Variants in MAPK10 observed in about 807,000 individuals in gnomAD.
MAPK10 encodes the protein mitogen-activated protein kinase 10.
In MAPK10, 25 loss-of-function variants were observed where a neutral mutation model predicts 59.3. The ratio of observed to expected loss-of-function variants is 0.42; its 90% CI spans 0.31 to 0.59. The LOEUF is 0.59. Ranked by LOEUF, MAPK10 falls within the 20% of genes least tolerant of loss-of-function variation. The pLI, the probability that MAPK10 is intolerant of heterozygous loss-of-function variation, is 0.15. For synonymous variants in MAPK10, 190 were observed against 200.5 expected (o/e 0.95, Z 0.44); for missense variants, 351 against 568.9 (o/e 0.62, Z 3.90).
At chr4:86,591,917 T>G (rs897224563) in intron 1 of MAPK10, among the ~76,000 whole-genome samples, 1 of 152,124 alleles carries the variant, frequency 6.6e-6, no homozygotes, top group Non-Finnish European at 1.5e-5. Flanking sequence ...AATTATGATG[T>G]TATGTTATAA....
chr4:86,549,101 T>C (rs1759549253), intron 1 of MAPK10, among the ~76,000 whole-genome samples: 1 of 151,340 alleles, frequency 6.6e-6, no homozygotes, highest in Non-Finnish European at 1.5e-5. Flanking sequence ...ATGTAAAATA[T>C]AAAAGCTTAT....
intron 1 of MAPK10, among the ~76,000 whole-genome samples, chr4:86,415,739 G>T (rs907903657): frequency 6.6e-6 from 1 of 152,142 alleles, no homozygotes; most frequent in African/African-American, 2.4e-5. Flanking sequence ...AGGAGACCAA[G>T]AAGAGTGCTA....
intron 1 of MAPK10, among the ~76,000 whole-genome samples, chr4:86,589,828 CA>C (rs141547116): frequency 2.7e-5 from 4 of 149,456 alleles, no homozygotes; most frequent in Non-Finnish European, 4.5e-5. Context: ...ACTAAAAATA[CA>C]AAAAATTAGC....
At chr4:86,528,915 GA>G (rs1757670034) in intron 1 of MAPK10, among the ~76,000 whole-genome samples, 1 of 152,164 alleles carries the variant, frequency 6.6e-6, no homozygotes, top group Non-Finnish European at 1.5e-5. Flanking sequence ...CCATTACCCA[GA>G]AGAGGTTAGA....
In MAPK10 at chr4:86,288,236, C is replaced by T. The variant is rs187887198; in HGVS notation, c.-7+66294G>A. 7.4e-3 allele frequency among the ~76,000 whole-genome samples: 1,127 copies of T among 151,736 alleles called. 11 individuals carry two copies. Among genetic ancestry groups the T allele is most frequent in the African/African-American group, 0.025 (1,029 of 41,350 alleles). ...ATGTGCACAATGTGCAGGTTAGTTA[C>T]ATATGTATACATGTGCCATGCTGGT... On this transcript the variant is annotated intron_variant, in intron 2 of 13. Transcript: ENST00000641462.
At chr4:86,324,115 A>G (rs1337684550) in intron 2 of MAPK10, among the ~76,000 whole-genome samples, 3 of 152,156 alleles carry the variant, frequency 2.0e-5, no homozygotes, top group Non-Finnish European at 4.4e-5. Flanking sequence ...ACATTATAAG[A>G]GCTAGTTTAG....
chr4:86,232,322 AGTT>A (rs1469702910), intron 2 of MAPK10, among the ~76,000 whole-genome samples: 1 of 152,324 alleles, frequency 6.6e-6, no homozygotes, highest in Non-Finnish European at 1.5e-5. Context: ...AGGAAGTTAC[AGTT>A]GTTCCCCTGG....
chr4:86,377,503 G>T (rs1209405098), intron 1 of MAPK10, among the ~76,000 whole-genome samples: 2 of 152,184 alleles, frequency 1.3e-5, no homozygotes, highest in Admixed American at 1.3e-4. Context: ...TACTTGGAGT[G>T]GGGAGTACCT....
chr4:86,225,829 G>T (rs1292813605), intron 2 of MAPK10, among the ~76,000 whole-genome samples: 2 of 152,080 alleles, frequency 1.3e-5, no homozygotes, highest in Non-Finnish European at 2.9e-5. Flanking sequence ...CACAAGCTTT[G>T]ATATTAACTC....
intron 1 of MAPK10, chr4:86,429,655 T>C (rs1011912114): frequency 7.9e-5 from 12 of 151,916 alleles, no homozygotes; most frequent in African/African-American, 2.7e-4. Context: ...ATAAAAAAAT[T>C]ACCTAGGCAT....
chr4:86,520,423 T>C (rs1190802181), intron 1 of MAPK10, among the ~76,000 whole-genome samples: 1 of 152,158 alleles, frequency 6.6e-6, no homozygotes, highest in Non-Finnish European at 1.5e-5. Context: ...TTCCAGTGTA[T>C]TTTGCATTTC....
chr4:86,577,183 C>T (rs924210354), intron 1 of MAPK10, among the ~76,000 whole-genome samples: 8 of 151,920 alleles, frequency 5.3e-5, no homozygotes, highest in Non-Finnish European at 1.0e-4. Flanking sequence ...TGATGGTGCA[C>T]ACTTGTAATA....
intron 2 of MAPK10, among the ~76,000 whole-genome samples, chr4:86,205,851 A>G (rs979417883): frequency 2.0e-5 from 3 of 151,998 alleles, no homozygotes; most frequent in African/African-American, 7.2e-5. Flanking sequence ...ATCAAAAGCA[A>G]CAAATATCAT....
intron 13 of MAPK10, chr4:86,027,056 C>T (rs1428578718): frequency 1.3e-5 from 2 of 152,188 alleles, no homozygotes; most frequent in African/African-American, 2.4e-5. Context: ...AGCGCCAGCA[C>T]ATGGCTGCCC....
intron 9 of MAPK10, chr4:86,081,672 A>C (rs1471808139): frequency 1.3e-5 from 2 of 152,094 alleles, no homozygotes; most frequent in Admixed American, 1.3e-4. Flanking sequence ...TATCCAAGGG[A>C]TTGGTAACAA....
chr4:86,145,478 T>C (rs1412676145), intron 4 of MAPK10, among the ~76,000 whole-genome samples: 1 of 152,180 alleles, frequency 6.6e-6, no homozygotes, highest in African/African-American at 2.4e-5. Flanking sequence ...ATAGTATTTC[T>C]CAATGTTTCT....
At chr4:86,162,327 A>G (rs907357334) in intron 3 of MAPK10, among the ~76,000 whole-genome samples, 58 of 152,104 alleles carry the variant, frequency 3.8e-4, no homozygotes, top group African/African-American at 1.2e-3. Context: ...CTATGTGTGT[A>G]TTCCAGGAGG....
At chr4:86,039,422 G>A (rs890333245) in intron 11 of MAPK10, among the ~76,000 whole-genome samples, 1 of 152,182 alleles carries the variant, frequency 6.6e-6, no homozygotes, top group Non-Finnish European at 1.5e-5. Context: ...CACTGGGCCT[G>A]CCACAGAAAA....
intron 1 of MAPK10, among the ~76,000 whole-genome samples, chr4:86,581,334 T>A (rs1762246547): frequency 1.3e-5 from 2 of 151,746 alleles, no homozygotes; most frequent in African/African-American, 4.8e-5. Flanking sequence ...TTTCAACACA[T>A]ATAAAATAAT....
Sources: allele counts gnomAD v4.1 joint callset (sites outside exome capture counted in the v4.1 genomes callset), GRCh38; gene constraint gnomAD v4.1.1; transcripts MANE v1.5; gene names NCBI Gene and HGNC (gene_info 2026-07-23, HGNC 2026-07-21).